MYOZ2: variants seen among roughly 807,000 people sequenced by gnomAD.
The protein encoded by MYOZ2 is myozenin 2.
A neutral mutation model predicts 25.4 loss-of-function variants in MYOZ2; 19 were observed. The ratio of observed to expected loss-of-function variants is 0.75; its 90% CI spans 0.52 to 1.10. The LOEUF (loss-of-function observed/expected upper bound fraction) is 1.10, where lower values mean the gene tolerates loss of function less well. Ranked by LOEUF, MYOZ2 falls within the 50% of genes least tolerant of loss-of-function variation. The pLI is 0.00. For synonymous variants in MYOZ2, 92 were observed against 106.9 expected (o/e 0.86, Z 0.86); for missense variants, 270 against 317.9 (o/e 0.85, Z 1.15).
At chr4:119,181,751 C>G (rs558612023) in intron 5 of MYOZ2, among the ~76,000 whole-genome samples, 8 of 151,852 alleles carry the variant, frequency 5.3e-5, no homozygotes, top group Admixed American at 5.3e-4. Flanking sequence ...CAGGCAAGAG[C>G]CCAGAATTTA....
chr4:119,185,324 T>C, intron 5 of MYOZ2, among the ~76,000 whole-genome samples: 1 of 152,088 alleles, frequency 6.6e-6, no homozygotes, highest in Non-Finnish European at 1.5e-5. Flanking sequence ...ATATCTTTTT[T>C]TTTTCTTTTT....
Position 119,150,901 on chromosome 4 carries a change from G to C in MYOZ2, c.106G>C (p.Val36Leu), listed in dbSNP as rs763449906. ...DVDGMDLGKK[V>L]SIPRDIMLEE... is the part of the protein sequence containing the mutation. ...TGATGGCATGGACCTGGGCAAAAAG[G>C]TCAGCATCCCCAGAGACATCATGTT... is the stretch of plus-strand genomic sequence containing the variant. Residue 36 changes from valine to leucine, a missense_variant, in exon 3 of 6, where the codon GTC (valine) becomes CTC (leucine). Val to Leu is a conservative substitution (Grantham distance 32). Coordinates refer to ENST00000307128, the MANE Select transcript of MYOZ2 (RefSeq NM_016599.5). 3.7e-6 allele frequency: 6 copies of C among 1,613,896 alleles called. No homozygotes were observed. The South Asian group carries it at 6.6e-5, about 18-fold the overall frequency.
At chr4:119,185,758 T>C (rs1742278670) in intron 5 of MYOZ2, among the ~76,000 whole-genome samples, 1 of 152,224 alleles carries the variant, frequency 6.6e-6, no homozygotes, top group Non-Finnish European at 1.5e-5. Flanking sequence ...TTATCAATAT[T>C]TGGTTTTTCA....
chr4:119,174,754 C>A (rs1174443831), intron 5 of MYOZ2, among the ~76,000 whole-genome samples: 1 of 152,118 alleles, frequency 6.6e-6, no homozygotes, highest in Non-Finnish European at 1.5e-5. Flanking sequence ...CGCTCGGGTC[C>A]CCTTCCACAC....
intron 5 of MYOZ2, among the ~76,000 whole-genome samples, chr4:119,184,177 G>T (rs1360332664): frequency 6.6e-6 from 1 of 152,032 alleles, no homozygotes; most frequent in Non-Finnish European, 1.5e-5. Context: ...ATGTAATTAG[G>T]TTATATAATC....
At chr4:119,161,806 G>A (rs999561136) in intron 4 of MYOZ2, among the ~76,000 whole-genome samples, 2 of 151,964 alleles carry the variant, frequency 1.3e-5, no homozygotes, top group Admixed American at 1.3e-4. Flanking sequence ...AAATTTGGGG[G>A]AAAAACATAA....
chr4:119,165,929 A>G (rs1741815407), intron 5 of MYOZ2, among the ~76,000 whole-genome samples: 1 of 152,168 alleles, frequency 6.6e-6, no homozygotes, highest in South Asian at 2.1e-4. Flanking sequence ...TATTGACTGT[A>G]TAAATACCAG....
intron 5 of MYOZ2, among the ~76,000 whole-genome samples, chr4:119,172,221 T>C (rs1310406669): frequency 1.3e-5 from 2 of 152,216 alleles, no homozygotes; most frequent in Non-Finnish European, 2.9e-5. Context: ...AGGGTTCTCC[T>C]TGCCCCCTGC....
At chr4:119,147,603 T>A (rs908096613) in intron 2 of MYOZ2, among the ~76,000 whole-genome samples, 2 of 151,658 alleles carry the variant, frequency 1.3e-5, no homozygotes, top group Non-Finnish European at 2.9e-5. Context: ...TGGCTGGGTG[T>A]GGTGGTGGCA....
intron 5 of MYOZ2, among the ~76,000 whole-genome samples, chr4:119,171,946 T>C (rs1741957136): frequency 6.6e-6 from 1 of 152,100 alleles, no homozygotes; most frequent in Non-Finnish European, 1.5e-5. Context: ...TTTGGTAGTT[T>C]ACATTATGAT....
chr4:119,152,144 A>G (rs1459470346), intron 3 of MYOZ2, among the ~76,000 whole-genome samples: 1 of 152,062 alleles, frequency 6.6e-6, no homozygotes, highest in Non-Finnish European at 1.5e-5. Context: ...GATTAAATCT[A>G]GTTTTAATTG....
chr4:119,137,064 ATTT>A (rs1477282636), intron 2 of MYOZ2, among the ~76,000 whole-genome samples: 1 of 152,112 alleles, frequency 6.6e-6, no homozygotes, highest in Non-Finnish European at 1.5e-5. Flanking sequence ...ATTGCTTATT[ATTT>A]AACTCCATTT....
intron 4 of MYOZ2, among the ~76,000 whole-genome samples, chr4:119,163,995 C>A (rs1741764756): frequency 6.6e-6 from 1 of 151,916 alleles, no homozygotes; most frequent in Non-Finnish European, 1.5e-5. Flanking sequence ...AAAAATTAAA[C>A]ATTAAGAAAA....
At chr4:119,151,216 G>A (rs572732440) in intron 3 of MYOZ2, among the ~76,000 whole-genome samples, 175 bp downstream of exon 3, 12 of 152,102 alleles carry the variant, frequency 7.9e-5, no homozygotes, top group African/African-American at 2.7e-4. Flanking sequence ...GAAGCATTAT[G>A]TATGATATGA....
intron 5 of MYOZ2, among the ~76,000 whole-genome samples, chr4:119,174,754 C>T (rs1174443831): frequency 6.6e-6 from 1 of 152,118 alleles, no homozygotes; most frequent in Non-Finnish European, 1.5e-5. Context: ...CGCTCGGGTC[C>T]CCTTCCACAC....
At chr4:119,152,847 A>G (rs1561112016) in intron 3 of MYOZ2, among the ~76,000 whole-genome samples, 1 of 152,188 alleles carries the variant, frequency 6.6e-6, no homozygotes, top group Non-Finnish European at 1.5e-5. Context: ...CTTTCAAAAT[A>G]AGGAAAGTAG....
chr4:119,165,077 A>T (rs1235455785), intron 5 of MYOZ2, among the ~76,000 whole-genome samples: 1 of 140,812 alleles, frequency 7.1e-6, no homozygotes. Flanking sequence ...TCTAATATCT[A>T]GTATGCTGTC....
intron 2 of MYOZ2, 137 bp downstream of exon 2, chr4:119,136,738 G>A (rs1578720664): frequency 2.2e-6 from 2 of 891,028 alleles, no homozygotes; most frequent in East Asian, 2.7e-5. Context: ...GCTCTAGGGG[G>A]TGTAGAAAAG....
rs1741763456 is a variant in MYOZ2, at chr4:119,163,945, A to G, written c.377-266A>G. Among the ~76,000 whole-genome samples, 3 of 152,364 alleles carry G rather than the reference A, an allele frequency of 2.0e-5. No individual in the cohort carries two copies. The South Asian group carries it at 6.2e-4, about 32-fold the overall frequency. On this transcript the variant is annotated intron_variant, in intron 4 of 5. Coordinates refer to ENST00000307128, the MANE Select transcript of MYOZ2 (RefSeq NM_016599.5). ...AAATGAACAGTTTTACTGGAAAAAT[A>G]TATATACTAAGACAGTCAAGAAAAA...
Sources: gnomAD v4.1 joint callset for allele counts (sites outside exome capture counted in the v4.1 genomes callset) on GRCh38, gnomAD v4.1.1 for gene constraint, MANE v1.5 for transcripts, NCBI Gene and HGNC (gene_info 2026-07-23, HGNC 2026-07-21) for gene names.